The following EPC1 variants were observed in gnomAD, a reference collection of about 807,000 sequenced individuals.
The protein encoded by EPC1 is enhancer of polycomb 1.
Under a neutral mutation model 98.4 loss-of-function variants are expected in EPC1, and 12 were observed. The ratio of observed to expected loss-of-function variants is 0.12; its 90% CI spans 0.08 to 0.20. The LOEUF (loss-of-function observed/expected upper bound fraction) is 0.20, where lower values mean the gene tolerates loss of function less well. Among genes scored for constraint, EPC1 ranks in the 10% least tolerant of loss-of-function variants. The probability of loss-of-function intolerance (pLI) is 1.00; values close to 1 mark genes in which losing one functional copy is unlikely to be tolerated. For synonymous variants in EPC1, 357 were observed against 363.9 expected, an observed-to-expected ratio of 0.98 and a Z score of 0.21; for missense variants, 729 against 990.5, an observed-to-expected ratio of 0.74 and a Z score of 3.54.
At chr10:32,320,324 CTCTT>C (rs1836829940) in intron 1 of EPC1, among the ~76,000 whole-genome samples, 2 of 152,056 alleles carry the variant, frequency 1.3e-5, no homozygotes, top group Admixed American at 1.3e-4. Flanking sequence ...CAGTGAAAGT[CTCTT>C]TCTTAAATTC....
At chr10:32,292,675 A>G in intron 4 of EPC1, 31 bp from the exon 5 acceptor site, 1 of 1,588,692 alleles carries the variant, frequency 6.3e-7, no homozygotes, top group Non-Finnish European at 8.5e-7. Flanking sequence ...GTTTAATGTT[A>G]GTAAGTATTT....
At chr10:32,342,861 T>C (rs1008117395) in intron 1 of EPC1, among the ~76,000 whole-genome samples, 33 of 152,338 alleles carry the variant, frequency 2.2e-4, no homozygotes, top group African/African-American at 7.2e-4. Context: ...TAAAGGAGAA[T>C]TGTTAACAAC....
chr10:32,347,943 T>C (rs1407799918), upstream of EPC1, among the ~76,000 whole-genome samples: 1 of 152,226 alleles, frequency 6.6e-6, no homozygotes, highest in East Asian at 1.9e-4. Context: ...TCTACACATA[T>C]TTACTTTTTA....
chr10:32,280,323 G>A (rs997512323), intron 10 of EPC1, among the ~76,000 whole-genome samples: 3 of 151,700 alleles, frequency 2.0e-5, no homozygotes, highest in Admixed American at 1.3e-4. Flanking sequence ...GTGGTGGTGC[G>A]CACCTGTAAT....
intron 1 of EPC1, among the ~76,000 whole-genome samples, chr10:32,324,766 G>A (rs1365734132): frequency 6.6e-6 from 1 of 152,066 alleles, no homozygotes; most frequent in Non-Finnish European, 1.5e-5. Flanking sequence ...GGCCGAGGTC[G>A]GCGGATCACG....
At chr10:32,324,391 C>T (rs1439243515) in intron 1 of EPC1, among the ~76,000 whole-genome samples, 1 of 151,326 alleles carries the variant, frequency 6.6e-6, no homozygotes, top group East Asian at 2.0e-4. Flanking sequence ...CCCGTCTCTG[C>T]GTGGTGGCGG....
In EPC1 at chr10:32,284,841, G is replaced by A. The variant is rs779574121; in HGVS notation, c.1601C>T (p.Pro534Leu). 11 of 1,614,032 alleles carry A rather than the reference G, an allele frequency of 6.8e-6. No homozygotes were observed. Among genetic ancestry groups the A allele is most frequent in the Middle Eastern group, 1.6e-4 (1 of 6,084 alleles). The change falls in exon 10 of 14, where the codon CCA becomes CTA. Residue 534 changes from proline (P) to leucine (L), a missense_variant. Physicochemically the swap from Pro to Leu is moderately conservative, Grantham distance 98. Around this residue, in one of 6 missense-constraint regions of EPC1, gnomAD observed 390 missense variants for 438.6 expected, o/e 0.89. Transcript: ENST00000319778. ...ATCATTGTCACTGTCATGTAGGGATGGTGTCCGAGGCCTAAAATGCCGCCA... is the reference window on the plus strand; with the variant it reads ...ATCATTGTCACTGTCATGTAGGGATAGTGTCCGAGGCCTAAAATGCCGCCA... Reference protein sequence around the residue: ...CRWRHFRPRTPSLHDSDNDEL... With the variant: ...CRWRHFRPRTLSLHDSDNDEL...
chr10:32,277,038 G>A (rs1034199875), intron 10 of EPC1, among the ~76,000 whole-genome samples: 5 of 152,106 alleles, frequency 3.3e-5, no homozygotes, highest in African/African-American at 1.2e-4. Flanking sequence ...AACTTCTGAG[G>A]TCACACATAT....
At chr10:32,337,247 G>A (rs967222789) in intron 1 of EPC1, among the ~76,000 whole-genome samples, 1 of 152,196 alleles carries the variant, frequency 6.6e-6, no homozygotes, top group African/African-American at 2.4e-5. Flanking sequence ...TAACCCTTCT[G>A]AGGGTTCTAC....
At chr10:32,346,684 G>T in intron 1 of EPC1, 79 bp downstream of exon 1, 2 of 1,406,048 alleles carry the variant, frequency 1.4e-6, no homozygotes, top group South Asian at 1.2e-5. Flanking sequence ...ATTTTGTGTG[G>T]GTTTGCTGCT....
At chr10:32,313,534 T>C (rs1461741255) in intron 1 of EPC1, among the ~76,000 whole-genome samples, 1 of 152,044 alleles carries the variant, frequency 6.6e-6, no homozygotes, top group African/African-American at 2.4e-5. Context: ...GCTTTATCAG[T>C]GGAGAAAGTG....
At chr10:32,309,493 C>CTTTTTTTTTTTTTTTTTTTTTTTTTT (rs67775039) in intron 1 of EPC1, among the ~76,000 whole-genome samples, 1 of 142,440 alleles carries the variant, frequency 7.0e-6, no homozygotes, top group Non-Finnish European at 1.5e-5. Flanking sequence ...TATTTTCAAG[C>CTTTTTTTTTTTTTTTTTTTTTTTTTT]TTTTTTTTTT....
chr10:32,355,915 C>T (rs1399258442), intron 1 of EPC1, among the ~76,000 whole-genome samples: 1 of 152,020 alleles, frequency 6.6e-6, no homozygotes, highest in Non-Finnish European at 1.5e-5. Flanking sequence ...CTGGCCAGTG[C>T]CTTACACTTT....
rs145662243 is a variant in EPC1, at chr10:32,343,326, T to A, written c.153+3437A>T. Among the ~76,000 whole-genome samples, 635 of 152,338 alleles carry A rather than the reference T, an allele frequency of 4.2e-3. 5 individuals are homozygous for A. Among genetic ancestry groups the A allele is most frequent in the African/African-American group, 0.015 (605 of 41,572 alleles). On this transcript the variant is annotated intron_variant, in intron 1 of 13. Coordinates refer to ENST00000319778, the MANE Select transcript of EPC1 (RefSeq NM_001272004.3). ...CCCGGGTTCAAGCGATTCTCCTGCCTCAGCCTCCCGAATAGCTGGGATTAC... is the reference window on the plus strand; with the variant it reads ...CCCGGGTTCAAGCGATTCTCCTGCCACAGCCTCCCGAATAGCTGGGATTAC...
intron 1 of EPC1, among the ~76,000 whole-genome samples, chr10:32,342,102 TC>T (rs1446988630): frequency 6.6e-6 from 1 of 152,202 alleles, no homozygotes; most frequent in Non-Finnish European, 1.5e-5. Context: ...GTAATTGTAA[TC>T]TAATGCAAAA....
At chr10:32,333,699 T>G (rs1005887176) in intron 1 of EPC1, among the ~76,000 whole-genome samples, 3 of 152,202 alleles carry the variant, frequency 2.0e-5, no homozygotes, top group Non-Finnish European at 1.5e-5. Flanking sequence ...AGAATACTAC[T>G]TTGTCAGACA....
At chr10:32,283,215 G>A (rs1168969453) in intron 10 of EPC1, 1 of 152,232 alleles carries the variant, frequency 6.6e-6, no homozygotes, top group Non-Finnish European at 1.5e-5. Context: ...CAGATGACAA[G>A]ACCAACCCCT....
chr10:32,343,808 A>C (rs549036369), intron 1 of EPC1, among the ~76,000 whole-genome samples: 1 of 152,150 alleles, frequency 6.6e-6, no homozygotes, highest in Non-Finnish European at 1.5e-5. Context: ...TACACGAATA[A>C]TACTTATTTT....
intron 1 of EPC1, among the ~76,000 whole-genome samples, chr10:32,340,082 G>A (rs12259695): frequency 6.6e-6 from 1 of 152,198 alleles, no homozygotes; most frequent in Non-Finnish European, 1.5e-5. Context: ...TCTTCAGTCA[G>A]TACTTGCTAT....
Sources: gnomAD v4.1 joint callset for allele counts (sites outside exome capture counted in the v4.1 genomes callset) on GRCh38, gnomAD v4.1.1 for gene constraint, gnomAD v4.1.1 regional missense constraint, MANE v1.5 for transcripts, NCBI Gene and HGNC (gene_info 2026-07-23, HGNC 2026-07-21) for gene names.